RSU1: variants seen among roughly 807,000 people sequenced by gnomAD.
RSU1 encodes the protein rsu-1.
Under a neutral mutation model 31.1 loss-of-function variants are expected in RSU1, and 26 were observed. That is an observed-to-expected ratio of 0.84 (90% CI 0.61 to 1.16). The LOEUF is 1.16. Among genes scored for constraint, RSU1 ranks in the 50% most tolerant of loss-of-function variants. The probability of loss-of-function intolerance (pLI) is 0.00; values close to 1 mark genes in which losing one functional copy is unlikely to be tolerated. For missense variants in RSU1, 320 were observed against 339.1 expected (o/e 0.94, Z 0.44); for synonymous variants, 164 against 136.3 (o/e 1.20, Z -1.41).
intron 7 of RSU1, among the ~76,000 whole-genome samples, chr10:16,717,560 A>C (rs1249595728): frequency 6.6e-6 from 1 of 152,240 alleles, no homozygotes; most frequent in Non-Finnish European, 1.5e-5. Context: ...ATAACCATGT[A>C]TGTAAACACA....
intron 2 of RSU1, among the ~76,000 whole-genome samples, chr10:16,786,429 T>G (rs1355001499): frequency 6.6e-6 from 1 of 152,166 alleles, no homozygotes; most frequent in Non-Finnish European, 1.5e-5. Flanking sequence ...AGGTTCATCT[T>G]GTATTTTTTC....
intron 8 of RSU1, among the ~76,000 whole-genome samples, chr10:16,604,351 T>C (rs1354233210): frequency 6.6e-6 from 1 of 152,026 alleles, no homozygotes; most frequent in East Asian, 1.9e-4. Flanking sequence ...AACCTGCCCA[T>C]CAGAGTCAGC....
chr10:16,783,659 T>G (rs201281005), intron 2 of RSU1, among the ~76,000 whole-genome samples: 2 of 46,082 alleles, frequency 4.3e-5, no homozygotes, highest in African/African-American at 5.5e-4. Context: ...CGGCCGCATG[T>G]TTTTTTTTTT....
chr10:16,795,935 C>T (rs1424373289), intron 2 of RSU1, among the ~76,000 whole-genome samples: 1 of 152,188 alleles, frequency 6.6e-6, no homozygotes, highest in East Asian at 1.9e-4. Flanking sequence ...AGCAGCAGCT[C>T]TCTGCGTCCG....
intron 8 of RSU1, among the ~76,000 whole-genome samples, chr10:16,682,815 C>T (rs1032656754): frequency 6.6e-6 from 1 of 151,794 alleles, no homozygotes; most frequent in East Asian, 1.9e-4. Context: ...CCACACAGGT[C>T]CCAGGATCCA....
At position 16,792,929 on chromosome 10, in the gene RSU1, G is replaced by A. The variant is rs550924427; in HGVS notation, c.110-10845C>T. On this transcript the variant is annotated intron_variant, in intron 2 of 8. Transcript: ENST00000345264. ...TGACCAACTTGAGCTCTGCATCTCC[G>A]TGATGCTGCTTAAAACGCCTGCCCA... is the stretch of plus-strand genomic sequence containing the variant. 2.0e-4 allele frequency among the ~76,000 whole-genome samples: 31 copies of A among 152,318 alleles called. 1 individual carries two copies. The highest frequency in any genetic ancestry group is 3.4e-3 in the Middle Eastern group (1 of 294).
intron 2 of RSU1, among the ~76,000 whole-genome samples, chr10:16,784,477 G>C (rs1837728038): frequency 2.0e-5 from 3 of 152,130 alleles, no homozygotes; most frequent in South Asian, 4.1e-4. Context: ...TCTGATTCTG[G>C]GGAGACCTCA....
rs1336045054 is a variant in RSU1, at chr10:16,653,026, T to C, written c.731+41997A>G. Among the ~76,000 whole-genome samples the C allele has an allele frequency of 1.8e-4, 28 of 151,860 alleles. 1 individual carries two copies. Among genetic ancestry groups the C allele is most frequent in the Admixed American group, 1.8e-3 (27 of 15,220 alleles). On this transcript the variant is annotated intron_variant, in intron 8 of 8. Coordinates refer to ENST00000345264, the MANE Select transcript of RSU1 (RefSeq NM_012425.4). ...TCTTTACATAGAGAACAGAAAAATA[T>C]ACAAGGGAGAGCTAAAAAAATCTAG...
Position 16,671,006 on chromosome 10 carries a change from T to A in RSU1, c.731+24017A>T, listed in dbSNP as rs148273733. On this transcript the variant is annotated intron_variant, in intron 8 of 8. Transcript: ENST00000345264. The stretch of plus-strand genomic sequence containing the variant: ...GTCTTGAACTCCTGACCTCAGGTGA[T>A]CCACCTGCCTCGGCTTCCCAAAATA... Among the ~76,000 whole-genome samples, 982 of 152,330 alleles carry A rather than the reference T, an allele frequency of 6.4e-3. 9 individuals are homozygous for A. Among genetic ancestry groups the A allele is most frequent in the African/African-American group, 0.022 (926 of 41,564 alleles).
intron 7 of RSU1, among the ~76,000 whole-genome samples, chr10:16,722,809 C>T (rs937107715): frequency 7.3e-5 from 11 of 150,102 alleles, no homozygotes; most frequent in African/African-American, 2.7e-4. Flanking sequence ...TACATATATA[C>T]ACATATATAC....
Position 16,776,862 on chromosome 10 carries a change from A to G in RSU1, c.160+5172T>C, listed in dbSNP as rs192048973. ...TTTAAGCCCATCATTCCTTGGCTCT[A>G]TGATTGTAAAGATGAGATGGCCATC... is the stretch of plus-strand genomic sequence containing the variant. On this transcript the variant is annotated intron_variant, in intron 3 of 8. Coordinates refer to ENST00000345264, the MANE Select transcript of RSU1 (RefSeq NM_012425.4). 5.3e-3 allele frequency among the ~76,000 whole-genome samples: 789 copies of G among 149,558 alleles called. 6 individuals are homozygous for G. Among genetic ancestry groups the G allele is most frequent in the Non-Finnish European group, 9.3e-3 (630 of 67,584 alleles).
intron 8 of RSU1, among the ~76,000 whole-genome samples, chr10:16,690,712 A>C (rs1406751230): frequency 6.6e-6 from 1 of 152,188 alleles, no homozygotes; most frequent in East Asian, 1.9e-4. Context: ...ACGTGCTCTG[A>C]GGAAGGTCAC....
rs142802853 is a variant in RSU1, at chr10:16,705,893, C to G, written c.599-10738G>C. On this transcript the variant is annotated intron_variant, in intron 7 of 8. Transcript: ENST00000345264. The stretch of plus-strand genomic sequence containing the variant: ...CTTGGCTCAAGCAATCCTCCTACCT[C>G]AGTCTCCTGAGTAGCTGGGATTATA... 1.1e-4 allele frequency among the ~76,000 whole-genome samples: 17 copies of G among 152,290 alleles called. No individual in the cohort carries two copies. The East Asian group carries it at 3.3e-3, about 29-fold the overall frequency.
At position 16,593,437 on chromosome 10, in the gene RSU1, G is replaced by A. The variant is rs1474851012; in HGVS notation, c.791C>T (p.Ser264Leu). 4.3e-6 allele frequency: 7 copies of A among 1,614,042 alleles called. No individual in the cohort carries two copies. The highest frequency in any genetic ancestry group is 5.9e-6 in the Non-Finnish European group (7 of 1,179,994). Residue 264 changes from serine to leucine, a missense_variant, in exon 9 of 9, where the codon TCG (serine) becomes TTG (leucine). Transcript: ENST00000345264. Reference protein sequence around the residue: ...PEPPKKNNDKSKKISRKPLAA... With the variant: ...PEPPKKNNDKLKKISRKPLAA... ...CAGGGGTTTCCGGCTGATCTTTTTC[G>A]ATTTGTCATTATTCTTCTTCGGTGG...
At chr10:16,688,898 C>T (rs991146889) in intron 8 of RSU1, among the ~76,000 whole-genome samples, 1 of 151,674 alleles carries the variant, frequency 6.6e-6, no homozygotes, top group Admixed American at 6.6e-5. Context: ...GTCCCAGGTA[C>T]TAGGGAAGCT....
chr10:16,655,518 CTG>C (rs2131520440), intron 8 of RSU1, among the ~76,000 whole-genome samples: 1 of 152,216 alleles, frequency 6.6e-6, no homozygotes, highest in African/African-American at 2.4e-5. Context: ...TATACAATAA[CTG>C]TTTGATAATT....
At chr10:16,718,360 TAAC>T (rs1836186865) in intron 7 of RSU1, among the ~76,000 whole-genome samples, 1 of 152,168 alleles carries the variant, frequency 6.6e-6, no homozygotes, top group Admixed American at 6.5e-5. Context: ...AAACACAAAA[TAAC>T]AACCTTAGGC....
intron 7 of RSU1, among the ~76,000 whole-genome samples, chr10:16,702,302 G>C (rs1051865072): frequency 6.6e-6 from 1 of 152,360 alleles, no homozygotes; most frequent in East Asian, 1.9e-4. Context: ...AGTCTCCACT[G>C]AGGAACCGCC....
intron 8 of RSU1, among the ~76,000 whole-genome samples, chr10:16,648,140 T>TATTTTTTA (rs1432068030): frequency 1.3e-5 from 2 of 151,704 alleles, no homozygotes; most frequent in Admixed American, 6.6e-5. Context: ...AAATTTTTTT[T>TATTTTTTA]TTTTTTTAAG....
Sources: gnomAD v4.1 joint callset for allele counts (sites outside exome capture counted in the v4.1 genomes callset) on GRCh38, gnomAD v4.1.1 for gene constraint, MANE v1.5 for transcripts, NCBI Gene and HGNC (gene_info 2026-07-23, HGNC 2026-07-21) for gene names.